Variants in IQGAP2 observed in about 807,000 individuals in gnomAD.
IQGAP2 encodes ras GTPase-activating-like protein IQGAP2.
In IQGAP2, 173 loss-of-function variants were observed where a neutral mutation model predicts 201.3. That is an observed-to-expected ratio of 0.86 (90% CI 0.76 to 0.98). The LOEUF is 0.98. Ranked by LOEUF, IQGAP2 falls within the 50% of genes least tolerant of loss-of-function variation. IQGAP2 has a pLI of 0.00. For synonymous variants in IQGAP2, 675 were observed against 673.9 expected (o/e 1.00, Z -0.03); for missense variants, 1,687 against 1,864.8 (o/e 0.90, Z 1.76).
intron 25 of IQGAP2, 53 bp from the exon 26 acceptor site, chr5:76,673,899 C>T: frequency 9.4e-7 from 1 of 1,064,692 alleles, no homozygotes; most frequent in Admixed American, 1.9e-5. Context: ...TGTGTTTTTT[C>T]CTCACTCCGC....
chr5:76,490,435 T>C (rs1038425141), intron 2 of IQGAP2, among the ~76,000 whole-genome samples: 2 of 152,198 alleles, frequency 1.3e-5, no homozygotes, highest in African/African-American at 4.8e-5. Flanking sequence ...TATCCATTTA[T>C]GAACTACCTT....
At chr5:76,655,031 A>G (rs374680557) in intron 20 of IQGAP2, 28 bp downstream of exon 20, 53 of 1,555,090 alleles carry the variant, frequency 3.4e-5, no homozygotes, top group South Asian at 1.3e-4. Context: ...GAAACAAAGC[A>G]AGGATTTTTT....
chr5:76,438,950 C>T (rs768593141), intron 1 of IQGAP2, among the ~76,000 whole-genome samples: 6 of 147,892 alleles, frequency 4.1e-5, no homozygotes, highest in Non-Finnish European at 8.8e-5. Flanking sequence ...TGTGTTTGTT[C>T]GTGTTTCTGT....
rs150706796 is a variant in IQGAP2, at chr5:76,495,863, G to T, written c.146+34194G>T. On this transcript the variant is annotated intron_variant, in intron 2 of 35. Coordinates refer to ENST00000274364, the MANE Select transcript of IQGAP2 (RefSeq NM_006633.5). ...GGGATGGCACAAAGCCATTCTTGAG[G>T]GATCTGCCTCCATCATCCAATCACC... is the stretch of plus-strand genomic sequence containing the variant. 1.2e-3 allele frequency among the ~76,000 whole-genome samples: 186 copies of T among 152,266 alleles called. 1 individual carries two copies. The highest frequency in any genetic ancestry group is 3.7e-3 in the Admixed American group (57 of 15,292).
intron 21 of IQGAP2, among the ~76,000 whole-genome samples, chr5:76,662,365 G>A (rs960162588): frequency 4.6e-5 from 7 of 152,114 alleles, no homozygotes; most frequent in African/African-American, 1.7e-4. Context: ...TTCTAATGCA[G>A]AGGAATTTAG....
At chr5:76,446,662 T>G (rs1753409958) in intron 1 of IQGAP2, among the ~76,000 whole-genome samples, 1 of 152,172 alleles carries the variant, frequency 6.6e-6, no homozygotes, top group South Asian at 2.1e-4. Flanking sequence ...TCATAGGTAG[T>G]AAGTTTATAA....
intron 23 of IQGAP2, among the ~76,000 whole-genome samples, chr5:76,670,073 G>T (rs1744169525): frequency 6.6e-6 from 1 of 152,158 alleles, no homozygotes; most frequent in African/African-American, 2.4e-5. Flanking sequence ...ATAGGTCCCA[G>T]AGAGATGGCG....
chr5:76,428,248 G>A (rs1265478041), intron 1 of IQGAP2, among the ~76,000 whole-genome samples: 4 of 152,022 alleles, frequency 2.6e-5, no homozygotes, highest in African/African-American at 7.3e-5. Context: ...CTAGCTCAGT[G>A]CTGCCCTTGT....
At position 76,689,894 on chromosome 5, in the gene IQGAP2, A is replaced by G. The variant is rs147629273; in HGVS notation, c.3906-3461A>G. Among the ~76,000 whole-genome samples the G allele has an allele frequency of 2.2e-3, 332 of 152,320 alleles. 6 individuals are homozygous for G. Among genetic ancestry groups the G allele is most frequent in the Admixed American group, 0.02 (300 of 15,300 alleles). ...TCAGGAATGCTACTGGTAATAATAGATACCATATGAATGGAGTGGCCAAAC... is the reference window on the plus strand; with the variant it reads ...TCAGGAATGCTACTGGTAATAATAGGTACCATATGAATGGAGTGGCCAAAC... On this transcript the variant is annotated intron_variant, in intron 30 of 35. Coordinates refer to ENST00000274364, the MANE Select transcript of IQGAP2 (RefSeq NM_006633.5).
chr5:76,470,958 CTT>C (rs1755063393), intron 2 of IQGAP2, among the ~76,000 whole-genome samples: 1 of 152,158 alleles, frequency 6.6e-6, no homozygotes, highest in Admixed American at 6.5e-5. Context: ...AAAGGAGTAA[CTT>C]TTCCAAAAGA....
At chr5:76,643,728 G>GA (rs1751776829) in intron 17 of IQGAP2, among the ~76,000 whole-genome samples, 1 of 152,190 alleles carries the variant, frequency 6.6e-6, no homozygotes, top group South Asian at 2.1e-4. Context: ...ACTTAGCCCT[G>GA]AGAATTAATG....
At chr5:76,517,905 C>T (rs566458226) in intron 2 of IQGAP2, among the ~76,000 whole-genome samples, 7 of 152,078 alleles carry the variant, frequency 4.6e-5, no homozygotes, top group Admixed American at 2.6e-4. Flanking sequence ...TTCACGCTGC[C>T]GATAAAGACA....
At chr5:76,491,944 A>G (rs1340550099) in intron 2 of IQGAP2, among the ~76,000 whole-genome samples, 1 of 151,732 alleles carries the variant, frequency 6.6e-6, no homozygotes, top group Non-Finnish European at 1.5e-5. Flanking sequence ...AGAGTTACTG[A>G]TTTGTCTCCT....
intron 5 of IQGAP2, among the ~76,000 whole-genome samples, chr5:76,586,057 A>G (rs1746223826): frequency 6.6e-6 from 1 of 152,214 alleles, no homozygotes; most frequent in Non-Finnish European, 1.5e-5. Context: ...AAATGTCAGC[A>G]TGGTATCTTA....
chr5:76,520,771 G>A (rs920415993), intron 2 of IQGAP2, among the ~76,000 whole-genome samples: 1 of 137,196 alleles, frequency 7.3e-6, no homozygotes, highest in African/African-American at 2.8e-5. Flanking sequence ...TGAGTGGCAC[G>A]ATCTCGGCTC....
intron 2 of IQGAP2, among the ~76,000 whole-genome samples, chr5:76,515,870 ATCTTTT>A (rs1289224102): frequency 1.6e-5 from 2 of 121,852 alleles, no homozygotes; most frequent in South Asian, 2.6e-4. Context: ...CAAGGGGGTG[ATCTTTT>A]TTTTTTTTTT....
chr5:76,562,270 C>T, intron 2 of IQGAP2, 126 bp from the exon 3 acceptor site: 1 of 660,508 alleles, frequency 1.5e-6, no homozygotes, highest in Non-Finnish European at 2.5e-6. Context: ...CCACCAGTGA[C>T]ACCGAAAGAT....
intron 1 of IQGAP2, among the ~76,000 whole-genome samples, chr5:76,436,511 ATATATATTTTTTTTTTTTTTTTTT>A (rs1162606426): frequency 3.8e-5 from 1 of 26,232 alleles, no homozygotes; most frequent in Non-Finnish European, 5.6e-5. Context: ...ATATATATAT[ATATATATTTTTTTTTTTTTTTTTT>A]TTTTTTTTTT....
At chr5:76,639,767 A>G (rs56149215) in intron 16 of IQGAP2, among the ~76,000 whole-genome samples, 10,307 of 152,298 alleles carry the variant, frequency 0.068, 405 homozygotes, top group African/African-American at 0.1. Context: ...TACCAAAAAT[A>G]CTTAATGACA....
Sources: gnomAD v4.1 joint callset for allele counts (sites outside exome capture counted in the v4.1 genomes callset) on GRCh38, gnomAD v4.1.1 for gene constraint, MANE v1.5 for transcripts, NCBI Gene and HGNC (gene_info 2026-07-23, HGNC 2026-07-21) for gene names.